SLC35F1: variants seen among roughly 807,000 people sequenced by gnomAD.
The protein encoded by SLC35F1 is solute carrier family 35 member F1.
A neutral mutation model predicts 48.7 loss-of-function variants in SLC35F1; 14 were observed. The observed-to-expected ratio is 0.29, with a 90% confidence interval of 0.19 to 0.45. The LOEUF is 0.45. Among genes scored for constraint, SLC35F1 ranks in the 20% least tolerant of loss-of-function variants. The pLI is 1.00. For synonymous variants in SLC35F1, 190 were observed against 202.2 expected (o/e 0.94, Z 0.51); for missense variants, 404 against 500.0 (o/e 0.81, Z 1.83).
At chr6:117,961,639 T>C (rs1188688245) in intron 1 of SLC35F1, among the ~76,000 whole-genome samples, 3 of 152,236 alleles carry the variant, frequency 2.0e-5, no homozygotes, top group Non-Finnish European at 4.4e-5. Flanking sequence ...GACTGCCATT[T>C]TTTTTATTCC....
chr6:118,129,170 T>C (rs1336522210), intron 1 of SLC35F1, among the ~76,000 whole-genome samples: 1 of 152,086 alleles, frequency 6.6e-6, no homozygotes, highest in Admixed American at 6.6e-5. Flanking sequence ...AATGAATCAA[T>C]CAAGTAATTA....
rs200734410 is a variant in SLC35F1, at chr6:118,143,626, T to C, written c.174-10819T>C. 3.9e-5 allele frequency among the ~76,000 whole-genome samples: 6 copies of C among 152,216 alleles called. No individual in the cohort carries two copies. The East Asian group carries it at 7.7e-4, about 20-fold the overall frequency. ...AGAATGCTGAGATGCATGTTAACAA[T>C]ATTTTTTCTAGTTTTTTTCTAAATG... On this transcript the variant is annotated intron_variant, in intron 1 of 7. Transcript: ENST00000360388.
intron 2 of SLC35F1, among the ~76,000 whole-genome samples, chr6:118,226,485 T>TACACACAC (rs1233953929): frequency 0.017 from 2,498 of 150,822 alleles, 44 homozygotes; most frequent in African/African-American, 0.04. Flanking sequence ...GATGAATGGA[T>TACACACAC]ACACACACAC....
At chr6:118,306,195 C>T (rs1156902856) in intron 7 of SLC35F1, among the ~76,000 whole-genome samples, 2 of 133,732 alleles carry the variant, frequency 1.5e-5, no homozygotes, top group East Asian at 4.1e-4. Flanking sequence ...CCTTAACTTT[C>T]AGTGCATGGA....
rs1562293534 is a variant in SLC35F1 at position 118,112,101 on chromosome 6, CT to C, written c.174-42340del. On this transcript the variant is annotated intron_variant, in intron 1 of 7. Transcript: ENST00000360388. Reference sequence around the variant, plus strand: ...TTATTTCTTTCTTTTCTTTTCTTTTCTTTTCTTTTCTTTTCTTTTCTTTTCT... The same window carrying C: ...TTATTTCTTTCTTTTCTTTTCTTTTCTTTCTTTTCTTTTCTTTTCTTTTCT... Among the ~76,000 whole-genome samples the C allele has an allele frequency of 2.1e-3, 176 of 82,766 alleles. 1 individual carries two copies. Among genetic ancestry groups the C allele is most frequent in the African/African-American group, 7.6e-3 (170 of 22,326 alleles). The allele number at this position is 82,766 out of a possible 152,430, so 54.3% of individuals were successfully genotyped here. A position where few individuals can be genotyped will look rare whatever the true frequency, so the allele number is the denominator to read the frequency against.
At position 118,049,177 on chromosome 6, in the gene SLC35F1, C is replaced by T. The variant is rs530133460; in HGVS notation, c.174-105268C>T. Among the ~76,000 whole-genome samples the T allele has an allele frequency of 1.6e-4, 25 of 152,288 alleles. No individual in the cohort carries two copies. In the South Asian group the frequency reaches 5.2e-3, roughly 32 times the overall value. On this transcript the variant is annotated intron_variant, in intron 1 of 7. Transcript: ENST00000360388. ...GCTAGCCAAACGTAGAAAGCTGAAA[C>T]TAGATCCCTTCCTTACACCTTATAC...
chr6:118,074,462 C>T (rs988185340), intron 1 of SLC35F1, among the ~76,000 whole-genome samples: 3 of 152,222 alleles, frequency 2.0e-5, no homozygotes, highest in Admixed American at 2.0e-4. Context: ...ATGTGACCTC[C>T]TCAAATCAAG....
intron 1 of SLC35F1, among the ~76,000 whole-genome samples, chr6:118,099,788 G>A (rs1300502280): frequency 6.6e-6 from 1 of 152,148 alleles, no homozygotes; most frequent in African/African-American, 2.4e-5. Flanking sequence ...AGTGGCTGTG[G>A]TTCGCTGTAA....
intron 3 of SLC35F1, among the ~76,000 whole-genome samples, chr6:118,264,772 C>T (rs1775751993): frequency 6.6e-6 from 1 of 152,204 alleles, no homozygotes; most frequent in South Asian, 2.1e-4. Flanking sequence ...CACAAAACAC[C>T]AACTGTTTTA....
At chr6:118,249,698 T>C (rs540664166) in intron 3 of SLC35F1, among the ~76,000 whole-genome samples, 1 of 152,332 alleles carries the variant, frequency 6.6e-6, no homozygotes, top group South Asian at 2.1e-4. Context: ...TGAGAATGCA[T>C]AGAAACACCA....
At chr6:118,097,881 T>G (rs939207518) in intron 1 of SLC35F1, among the ~76,000 whole-genome samples, 2 of 152,182 alleles carry the variant, frequency 1.3e-5, no homozygotes, top group Non-Finnish European at 2.9e-5. Context: ...TGGTTTAGTA[T>G]TCCTTAGTTT....
At chr6:117,977,197 C>CT (rs1776716208) in intron 1 of SLC35F1, among the ~76,000 whole-genome samples, 1 of 142,562 alleles carries the variant, frequency 7.0e-6, no homozygotes. Context: ...CTTTTTCTTT[C>CT]TTTCTTTTTT....
At chr6:117,918,648 T>TCAA (rs1775857378) in intron 1 of SLC35F1, among the ~76,000 whole-genome samples, 1 of 152,182 alleles carries the variant, frequency 6.6e-6, no homozygotes, top group African/African-American at 2.4e-5. Flanking sequence ...AAGTGTTATG[T>TCAA]GTAAAGTTGA....
At chr6:118,075,770 T>C (rs1162988375) in intron 1 of SLC35F1, among the ~76,000 whole-genome samples, 1 of 152,244 alleles carries the variant, frequency 6.6e-6, no homozygotes, top group Non-Finnish European at 1.5e-5. Context: ...CATTTTGTGG[T>C]AAAGGGAATG....
chr6:117,966,019 C>T (rs950013096), intron 1 of SLC35F1, among the ~76,000 whole-genome samples: 2 of 149,650 alleles, frequency 1.3e-5, no homozygotes, highest in South Asian at 2.1e-4. Flanking sequence ...AATCAGCACT[C>T]TGTAAAGCAG....
intron 1 of SLC35F1, among the ~76,000 whole-genome samples, chr6:117,917,410 T>C (rs932498928): frequency 1.3e-5 from 2 of 151,626 alleles, no homozygotes; most frequent in African/African-American, 4.9e-5. Flanking sequence ...GCGGGAGAAG[T>C]ACATACCTAC....
intron 1 of SLC35F1, among the ~76,000 whole-genome samples, chr6:117,941,189 C>T (rs1323611782): frequency 6.6e-6 from 1 of 152,056 alleles, no homozygotes; most frequent in Non-Finnish European, 1.5e-5. Context: ...TTTATAGATT[C>T]CATATTAAAG....
chr6:118,249,039 T>C (rs1775541122), intron 3 of SLC35F1, among the ~76,000 whole-genome samples: 1 of 152,184 alleles, frequency 6.6e-6, no homozygotes, highest in Admixed American at 6.5e-5. Flanking sequence ...AACCAGGGCG[T>C]GGGCCCCTAC....
chr6:117,944,252 T>G (rs796254460), intron 1 of SLC35F1, among the ~76,000 whole-genome samples: 26 of 152,328 alleles, frequency 1.7e-4, no homozygotes, highest in African/African-American at 6.3e-4. Flanking sequence ...GTTTGCTTAC[T>G]ATATGCTATC....
Sources: allele counts gnomAD v4.1 joint callset (sites outside exome capture counted in the v4.1 genomes callset), GRCh38; gene constraint gnomAD v4.1.1; transcripts MANE v1.5; gene names NCBI Gene and HGNC (gene_info 2026-07-23, HGNC 2026-07-21).